ROBO2: variants seen among roughly 807,000 people sequenced by gnomAD.
The protein encoded by ROBO2 is roundabout guidance receptor 2.
Under a neutral mutation model 160.8 loss-of-function variants are expected in ROBO2, and 53 were observed. That is an observed-to-expected ratio of 0.33 (90% CI 0.26 to 0.41). ROBO2 has a LOEUF of 0.41. Among genes scored for constraint, ROBO2 ranks in the 10% least tolerant of loss-of-function variants. The probability of loss-of-function intolerance (pLI) is 1.00; values close to 1 mark genes in which losing one functional copy is unlikely to be tolerated. For missense variants in ROBO2, 1,577 were observed against 1,722.4 expected (o/e 0.92, Z 1.49); for synonymous variants, 664 against 611.7 (o/e 1.09, Z -1.26).
chr3:76,498,535 T>TA (rs1471932635), intron 2 of ROBO2, among the ~76,000 whole-genome samples: 1 of 151,780 alleles, frequency 6.6e-6, no homozygotes, highest in East Asian at 1.9e-4. Context: ...AATAAATATA[T>TA]ATTTCTAAAT....
chr3:76,301,051 A>T (rs1709330527), intron 2 of ROBO2, among the ~76,000 whole-genome samples: 1 of 152,126 alleles, frequency 6.6e-6, no homozygotes, highest in Admixed American at 6.6e-5. Context: ...GGAAGAAAGA[A>T]GAAAGGAAGA....
intron 1 of ROBO2, among the ~76,000 whole-genome samples, chr3:77,093,627 A>G (rs1239853138): frequency 6.6e-6 from 1 of 152,216 alleles, no homozygotes. Flanking sequence ...TCCATCGTAA[A>G]GACCACTGCT....
chr3:76,363,428 G>GT (rs1468771680), intron 2 of ROBO2, among the ~76,000 whole-genome samples: 1 of 152,000 alleles, frequency 6.6e-6, no homozygotes, highest in East Asian at 1.9e-4. Flanking sequence ...AAACCACCAC[G>GT]TTTATTCTCT....
At chr3:76,919,416 T>C (rs1200032459) in intron 2 of ROBO2, among the ~76,000 whole-genome samples, 1 of 152,188 alleles carries the variant, frequency 6.6e-6, no homozygotes, top group Admixed American at 6.5e-5. Flanking sequence ...TGAACATTCT[T>C]ATTGGCAAAT....
intron 2 of ROBO2, among the ~76,000 whole-genome samples, chr3:76,794,643 A>C (rs1285190785): frequency 6.6e-6 from 1 of 152,004 alleles, no homozygotes; most frequent in Non-Finnish European, 1.5e-5. Flanking sequence ...GATTCATTAA[A>C]ATTTATTACA....
rs200274045 is a variant in ROBO2, at chr3:76,803,464, AAAGGAAGG to A, written c.110-294545_110-294538del. ...GGATGGAGGGAAGGAAGGAAGGAAG[AAAGGAAGG>A]AAGGGAGGGAGGGAGGGAGAGAGGA... On this transcript the variant is annotated intron_variant, in intron 2 of 26. Transcript: ENST00000487694. Among the ~76,000 whole-genome samples, 652 of 49,164 alleles carry A rather than the reference AAAGGAAGG, an allele frequency of 0.013. 32 individuals are homozygous for A. The East Asian group carries it at 0.27, about 21-fold the overall frequency. 32.3% of individuals were successfully genotyped at this position (49,164 alleles called of 152,430 possible). A position where few individuals can be genotyped will look rare whatever the true frequency, so the allele number is the denominator to read the frequency against.
chr3:76,962,168 C>A (rs2079713300), intron 2 of ROBO2, among the ~76,000 whole-genome samples: 1 of 152,078 alleles, frequency 6.6e-6, no homozygotes, highest in Non-Finnish European at 1.5e-5. Context: ...AACCCTGTCT[C>A]TACTAGAAAT....
chr3:76,044,801 G>A (rs116002165), intron 2 of ROBO2, among the ~76,000 whole-genome samples: 10 of 152,108 alleles, frequency 6.6e-5, no homozygotes, highest in African/African-American at 2.4e-4. Flanking sequence ...TGTGTAAGAG[G>A]GACTTGCGTT....
chr3:76,849,514 C>A (rs1310514622), intron 2 of ROBO2, among the ~76,000 whole-genome samples: 1 of 152,070 alleles, frequency 6.6e-6, no homozygotes, highest in Non-Finnish European at 1.5e-5. Flanking sequence ...GATTTCAAAA[C>A]CAAAAATGAT....
At chr3:76,997,174 A>G (rs2061063743) in intron 2 of ROBO2, among the ~76,000 whole-genome samples, 1 of 152,140 alleles carries the variant, frequency 6.6e-6, no homozygotes, top group South Asian at 2.1e-4. Flanking sequence ...TGTTTTTAGT[A>G]TGCATGAAAA....
chr3:77,066,519 C>A (rs2149803614), intron 1 of ROBO2, among the ~76,000 whole-genome samples: 1 of 152,128 alleles, frequency 6.6e-6, no homozygotes, highest in African/African-American at 2.4e-5. Flanking sequence ...TGTTAGACAG[C>A]AATCTCTATG....
intron 2 of ROBO2, among the ~76,000 whole-genome samples, chr3:77,401,173 T>C (rs2075763957): frequency 6.6e-6 from 1 of 152,040 alleles, no homozygotes. Context: ...TTGCAGTTTA[T>C]TGAAAAATCC....
chr3:77,556,077 G>GA (rs1040566473), intron 8 of ROBO2, among the ~76,000 whole-genome samples: 2 of 36,822 alleles, frequency 5.4e-5, no homozygotes, highest in South Asian at 1.0e-3. Context: ...ATTTAATTTG[G>GA]AAAAAAAATC....
rs538523728 is a variant in ROBO2, at chr3:76,889,300, G to A, written c.110-208714G>A. On this transcript the variant is annotated intron_variant, in intron 2 of 26. Coordinates refer to the ROBO2 transcript ENST00000487694. ...TCATAAAAAAGAGATTCAAAATATA[G>A]GCATTATTTTTACAAAAATATTCAT... 5.9e-5 allele frequency among the ~76,000 whole-genome samples: 9 copies of A among 152,050 alleles called. No homozygotes were observed. The South Asian group carries it at 1.9e-3, about 32-fold the overall frequency.
At chr3:76,971,008 AATTC>A (rs1304235516) in intron 2 of ROBO2, among the ~76,000 whole-genome samples, 1 of 152,182 alleles carries the variant, frequency 6.6e-6, no homozygotes, top group African/African-American at 2.4e-5. Context: ...TATGTGCCAG[AATTC>A]AAGTTCATAT....
chr3:76,146,591 C>G (rs1024845256), intron 2 of ROBO2, among the ~76,000 whole-genome samples: 7 of 151,750 alleles, frequency 4.6e-5, no homozygotes, highest in African/African-American at 1.7e-4. Flanking sequence ...TGAAATACCT[C>G]TGCAAAATCC....
chr3:76,619,339 CAAAAAA>C (rs10629440), intron 2 of ROBO2, among the ~76,000 whole-genome samples: 2 of 137,426 alleles, frequency 1.5e-5, no homozygotes, highest in Non-Finnish European at 3.1e-5. Context: ...GACTCCGTCT[CAAAAAA>C]AAAAAAAGAA....
At chr3:77,468,633 G>C (rs968715779) in intron 2 of ROBO2, among the ~76,000 whole-genome samples, 1 of 152,202 alleles carries the variant, frequency 6.6e-6, no homozygotes, top group Admixed American at 6.5e-5. Context: ...CTCGAAGCTG[G>C]CCATTCCTCC....
At chr3:76,379,846 C>T (rs938259346) in intron 2 of ROBO2, among the ~76,000 whole-genome samples, 7 of 152,026 alleles carry the variant, frequency 4.6e-5, no homozygotes, top group African/African-American at 1.4e-4. Context: ...AGTAATAACC[C>T]GGTCAGCATT....
Sources: allele counts gnomAD v4.1 joint callset (sites outside exome capture counted in the v4.1 genomes callset), GRCh38; gene constraint gnomAD v4.1.1; transcripts MANE v1.5; gene names NCBI Gene and HGNC (gene_info 2026-07-23, HGNC 2026-07-21).